The following ENOX2 variants were observed in gnomAD, a reference collection of about 807,000 sequenced individuals.
ENOX2 encodes APK1 antigen.
Under a neutral mutation model 45.0 loss-of-function variants are expected in ENOX2, and 36 were observed. The ratio of observed to expected loss-of-function variants is 0.80; its 90% CI spans 0.61 to 1.06. ENOX2 has a LOEUF of 1.06. ENOX2 is among the 50% of genes least tolerant of loss of function. ENOX2 has a pLI of 0.00. For missense variants in ENOX2, 423 were observed against 462.5 expected, an observed-to-expected ratio of 0.91 and a Z score of 0.78; for synonymous variants, 174 against 152.3, an observed-to-expected ratio of 1.14 and a Z score of -1.05.
At chrX:130,740,084 T>C (rs953237780) in intron 3 of ENOX2, among the ~76,000 whole-genome samples, 1 of 112,079 alleles carries the variant, frequency 8.9e-6, no homozygotes, top group Non-Finnish European at 1.9e-5. Context: ...ATTTAAAATA[T>C]AAAACATGGT....
chrX:130,885,046 T>G (rs944704692), intron 2 of ENOX2, among the ~76,000 whole-genome samples: 1 of 112,536 alleles, frequency 8.9e-6, no homozygotes, highest in African/African-American at 3.2e-5. Context: ...TTCATTCATA[T>G]TGATGTACAC....
chrX:130,771,923 A>C (rs1030566143), intron 3 of ENOX2, among the ~76,000 whole-genome samples: 1 of 112,201 alleles, frequency 8.9e-6, no homozygotes, highest in African/African-American at 3.2e-5. Context: ...TCACAGGGTT[A>C]TGGTGAAAAG....
intron 3 of ENOX2, among the ~76,000 whole-genome samples, chrX:130,763,643 A>T (rs1022366148): frequency 9.0e-6 from 1 of 110,874 alleles, no homozygotes; most frequent in Non-Finnish European, 1.9e-5. Context: ...CCGAGGCAGG[A>T]GGATCACTTG....
intron 3 of ENOX2, 99 bp downstream of exon 3, chrX:130,783,448 T>C: frequency 3.6e-6 from 1 of 281,266 alleles, no homozygotes; most frequent in Non-Finnish European, 6.6e-6. Flanking sequence ...ATTTAGTTCC[T>C]ACAAGCTCTA....
At chrX:130,756,213 G>A (rs1030964069) in intron 3 of ENOX2, among the ~76,000 whole-genome samples, 42 of 112,167 alleles carry the variant, frequency 3.7e-4, no homozygotes, top group Non-Finnish European at 3.6e-4. Context: ...GACAGTTGGC[G>A]TAGGTAACAT....
At chrX:130,777,833 T>C (rs1167220826) in intron 3 of ENOX2, among the ~76,000 whole-genome samples, 1 of 112,322 alleles carries the variant, frequency 8.9e-6, no homozygotes, top group African/African-American at 3.2e-5. Flanking sequence ...CTTACTTTTT[T>C]GATCCTCCAG....
intron 5 of ENOX2, among the ~76,000 whole-genome samples, chrX:130,688,169 A>G (rs772099654): frequency 8.9e-6 from 1 of 112,268 alleles, no homozygotes; most frequent in South Asian, 3.7e-4. Flanking sequence ...CCCCAAGTGC[A>G]TCTGGAAAAA....
chrX:130,625,299 G>A lies in ENOX2; in HGVS notation c.*15C>T, dbSNP rs758366140. On this transcript the variant is annotated 3_prime_UTR_variant, in exon 15 of 15. Transcript: ENST00000394363. ...ATATTTATCTTCAGGATCCCAAGTT[G>A]TTAGGCAAAGAGATTTAGGTCAGCT... The A allele has an allele frequency of 3.3e-6, 4 of 1,205,389 alleles. No individual in the cohort carries two copies. In the South Asian group the frequency reaches 7.2e-5, roughly 22 times the overall value.
intron 3 of ENOX2, among the ~76,000 whole-genome samples, chrX:130,765,839 C>T (rs1603343209): frequency 9.0e-6 from 1 of 111,638 alleles, no homozygotes; most frequent in African/African-American, 3.2e-5. Context: ...CTACAAATAA[C>T]ACATAAGAAA....
At chrX:130,788,433 C>CAGGCCTAA (rs1177842075) in intron 2 of ENOX2, among the ~76,000 whole-genome samples, 1 of 111,629 alleles carries the variant, frequency 9.0e-6, no homozygotes, top group Non-Finnish European at 1.9e-5. Flanking sequence ...GAATTCCTGA[C>CAGGCCTAA]AGGCCTAAAT....
At chrX:130,759,433 A>G (rs777380328) in intron 3 of ENOX2, among the ~76,000 whole-genome samples, 21 of 109,593 alleles carry the variant, frequency 1.9e-4, no homozygotes, top group African/African-American at 7.0e-4. Context: ...CTCTACTAAA[A>G]ATACAAAAAT....
At chrX:130,791,088 T>G (rs2077034994) in intron 2 of ENOX2, among the ~76,000 whole-genome samples, 2 of 111,562 alleles carry the variant, frequency 1.8e-5, no homozygotes, top group African/African-American at 6.5e-5. Context: ...TCTCCCTAAG[T>G]GCTGGGATTA....
intron 9 of ENOX2, among the ~76,000 whole-genome samples, chrX:130,658,852 CGCTATAGAAATAT>C (rs2036610694): frequency 8.9e-6 from 1 of 112,210 alleles, no homozygotes; most frequent in Middle Eastern, 4.6e-3. Flanking sequence ...AATAGACTTG[CGCTATAGAAATAT>C]GCTATAGAAA....
chrX:130,826,946 GTAAC>G (rs1468198961), intron 2 of ENOX2, among the ~76,000 whole-genome samples: 1 of 111,573 alleles, frequency 9.0e-6, no homozygotes, highest in South Asian at 3.7e-4. Context: ...ACTAAATAGA[GTAAC>G]TAACCCAGCC....
chrX:130,784,586 C>CTT (rs1038640682), intron 2 of ENOX2, among the ~76,000 whole-genome samples: 49 of 92,203 alleles, frequency 5.3e-4, no homozygotes, highest in Middle Eastern at 5.3e-3. Context: ...ATAGCTCACT[C>CTT]TTTTTTTTTT....
intron 3 of ENOX2, among the ~76,000 whole-genome samples, chrX:130,713,572 C>A (rs922916890): frequency 1.8e-5 from 2 of 111,286 alleles, no homozygotes; most frequent in African/African-American, 6.5e-5. Flanking sequence ...TAATTGCCAA[C>A]CCTCTGGCTT....
intron 3 of ENOX2, among the ~76,000 whole-genome samples, chrX:130,725,645 C>T (rs973522911): frequency 3.6e-5 from 4 of 110,100 alleles, no homozygotes; most frequent in Non-Finnish European, 7.6e-5. Context: ...TGCTGGGAGA[C>T]TGACTGAGTT....
intron 2 of ENOX2, among the ~76,000 whole-genome samples, chrX:130,851,277 T>G (rs2078202979): frequency 9.0e-6 from 1 of 111,462 alleles, no homozygotes; most frequent in African/African-American, 3.3e-5. Context: ...TACTATTCCT[T>G]TTTTGAATAT....
In ENOX2 at chrX:130,868,371, C is replaced by T. The variant is rs142125184; in HGVS notation, c.-183+33313G>A. ...AATTTGGTGCCACTCTCTTAATTTC[C>T]GCCAAGGTACCAGTGGTTTTACCCA... On this transcript the variant is annotated intron_variant, in intron 2 of 14. Coordinates refer to ENST00000394363, the MANE Select transcript of ENOX2 (RefSeq NM_006375.4). Among the ~76,000 whole-genome samples the T allele has an allele frequency of 5.4e-5, 6 of 111,983 alleles. No homozygotes were observed. In the East Asian group the frequency reaches 1.4e-3, roughly 26 times the overall value.
Sources: allele counts gnomAD v4.1 joint callset (sites outside exome capture counted in the v4.1 genomes callset), GRCh38; gene constraint gnomAD v4.1.1; transcripts MANE v1.5; gene names NCBI Gene and HGNC (gene_info 2026-07-23, HGNC 2026-07-21).